The following PDE11A variants were observed in gnomAD, a reference collection of about 807,000 sequenced individuals.
The protein encoded by PDE11A is dual 3',5'-cyclic-AMP and -GMP phosphodiesterase 11A.
PDE11A carries 100 observed loss-of-function variants against 100.5 expected under a neutral mutation model. The observed-to-expected ratio is 1.00, with a 90% CI of 0.85 to 1.18. The LOEUF (loss-of-function observed/expected upper bound fraction) is 1.18. PDE11A is among the 50% of genes most tolerant of loss of function. PDE11A has a pLI of 0.00. For synonymous variants in PDE11A, 381 were observed against 420.8 expected, an observed-to-expected ratio of 0.91 and a Z score of 1.16; for missense variants, 1,141 against 1,152.6, an observed-to-expected ratio of 0.99 and a Z score of 0.15.
At position 177,631,571 on chromosome 2, in the gene PDE11A, A is replaced by ATGTG. The variant is rs1559117487; in HGVS notation, c.2647-2010_2647-2009insCACA. Among the ~76,000 whole-genome samples the ATGTG allele has an allele frequency of 9.8e-3, 411 of 41,946 alleles. 13 individuals carry two copies. The highest frequency in any genetic ancestry group is 0.028 in the African/African-American group (260 of 9,190). 27.5% of individuals were successfully genotyped at this position (41,946 alleles called of 152,430 possible). A position where few individuals can be genotyped will look rare whatever the true frequency, so the allele number is the denominator to read the frequency against. ...TACACATGTATATATATATATATAC[A>ATGTG]TGTATATATATATACACACACATAT... On this transcript the variant is annotated intron_variant, in intron 19 of 19. Coordinates refer to ENST00000286063, the MANE Select transcript of PDE11A (RefSeq NM_016953.4).
chr2:178,074,135 T>C (rs1159407914), upstream of PDE11A, among the ~76,000 whole-genome samples: 2 of 152,092 alleles, frequency 1.3e-5, no homozygotes, highest in East Asian at 1.9e-4. Context: ...AATGACCACA[T>C]AGTGTAAAAT....
chr2:177,902,429 T>C (rs923120140), intron 3 of PDE11A, among the ~76,000 whole-genome samples: 4 of 152,192 alleles, frequency 2.6e-5, no homozygotes, highest in African/African-American at 9.7e-5. Context: ...TGGTAGACTC[T>C]CTTCACACGG....
intron 5 of PDE11A, among the ~76,000 whole-genome samples, chr2:177,869,086 C>G (rs1348096802): frequency 6.6e-6 from 1 of 152,242 alleles, no homozygotes; most frequent in Non-Finnish European, 1.5e-5. Context: ...CAAAAGATAA[C>G]AGCATTGAGT....
At chr2:177,977,301 C>G (rs571618946) in intron 2 of PDE11A, among the ~76,000 whole-genome samples, 2 of 145,454 alleles carry the variant, frequency 1.4e-5, no homozygotes, top group Non-Finnish European at 3.1e-5. Flanking sequence ...CAACAACAGA[C>G]AAACAGAGAG....
intron 2 of PDE11A, among the ~76,000 whole-genome samples, chr2:177,928,830 T>C (rs1645979064): frequency 6.6e-6 from 1 of 152,052 alleles, no homozygotes; most frequent in African/African-American, 2.4e-5. Context: ...GCCACTGCAC[T>C]GTAGCCTGGG....
chr2:178,051,102 G>A (rs1430360428), intron 1 of PDE11A, among the ~76,000 whole-genome samples: 1 of 152,174 alleles, frequency 6.6e-6, no homozygotes. Context: ...AGGGCAGCCA[G>A]AGAGAAAGGT....
chr2:177,755,445 A>C (rs2082078353), intron 10 of PDE11A, among the ~76,000 whole-genome samples: 1 of 152,222 alleles, frequency 6.6e-6, no homozygotes, highest in Non-Finnish European at 1.5e-5. Flanking sequence ...CCTGCCTGCC[A>C]TAAAAGAGGG....
intron 9 of PDE11A, among the ~76,000 whole-genome samples, chr2:177,800,452 T>C (rs1475901876): frequency 6.6e-6 from 1 of 152,180 alleles, no homozygotes; most frequent in Admixed American, 6.6e-5. Context: ...ATTACAGGTG[T>C]GAGCCACCGT....
intron 4 of PDE11A, among the ~76,000 whole-genome samples, chr2:177,878,708 A>T (rs2084280412): frequency 6.6e-6 from 1 of 152,200 alleles, no homozygotes; most frequent in African/African-American, 2.4e-5. Context: ...AGGAAATTGC[A>T]GAACCGAGAT....
At chr2:178,069,942 A>C (rs1310021709) in intron 1 of PDE11A, among the ~76,000 whole-genome samples, 1 of 152,196 alleles carries the variant, frequency 6.6e-6, no homozygotes, top group Non-Finnish European at 1.5e-5. Flanking sequence ...GGCTGGAATA[A>C]GTATCATTGA....
rs1031745773 is a variant in PDE11A at position 177,626,328 on chromosome 2, A to C, written c.*3079T>G. The C allele has an allele frequency of 6.6e-6, 1 of 152,602 alleles. No homozygotes were observed. Among genetic ancestry groups the C allele is most frequent in the Non-Finnish European group, 1.5e-5 (1 of 68,054 alleles). 9.5% of individuals were successfully genotyped at this position (152,602 alleles called of 1,614,324 possible). ...AAAATGTTGCTGTAGATGGACTGGC[A>C]TCCATTTGTCTGGGCTATTTATTTA... On this transcript the variant is annotated 3_prime_UTR_variant, in exon 20 of 20. Transcript: ENST00000286063.
At chr2:177,847,134 G>A (rs2083614219) in intron 5 of PDE11A, among the ~76,000 whole-genome samples, 1 of 152,068 alleles carries the variant, frequency 6.6e-6, no homozygotes, top group South Asian at 2.1e-4. Flanking sequence ...AGCCCTAGAT[G>A]TAACCCCCCT....
At chr2:177,931,396 T>G (rs1435975313) in intron 2 of PDE11A, among the ~76,000 whole-genome samples, 1 of 152,190 alleles carries the variant, frequency 6.6e-6, no homozygotes, top group African/African-American at 2.4e-5. Flanking sequence ...ACTTAAAATC[T>G]ACTCTCAGCA....
intron 10 of PDE11A, among the ~76,000 whole-genome samples, chr2:177,730,464 G>T (rs2081668121): frequency 6.6e-6 from 1 of 151,886 alleles, no homozygotes; most frequent in African/African-American, 2.4e-5. Context: ...GGACTGGTTT[G>T]TCTTTCTTTT....
chr2:177,655,848 C>T (rs1265731970), intron 19 of PDE11A, among the ~76,000 whole-genome samples: 1 of 152,154 alleles, frequency 6.6e-6, no homozygotes, highest in Non-Finnish European at 1.5e-5. Flanking sequence ...TTCTCGAAAT[C>T]ATATGTATGC....
chr2:177,860,653 G>A (rs1021319722), intron 5 of PDE11A, among the ~76,000 whole-genome samples: 4 of 151,574 alleles, frequency 2.6e-5, no homozygotes, highest in African/African-American at 9.7e-5. Flanking sequence ...TCACAAGAAA[G>A]CTATAGACCC....
intron 2 of PDE11A, among the ~76,000 whole-genome samples, chr2:178,099,705 G>T (rs2087538110): frequency 6.6e-6 from 1 of 152,052 alleles, no homozygotes; most frequent in Non-Finnish European, 1.5e-5. Context: ...TGATATGGCT[G>T]TTCCTCAAAA....
intron 3 of PDE11A, chr2:177,899,364 G>A (rs1204661477): frequency 8.7e-5 from 15 of 172,196 alleles, no homozygotes; most frequent in South Asian, 1.9e-4. Context: ...CTGAGATCGC[G>A]CCACTGCACT....
intron 12 of PDE11A, among the ~76,000 whole-genome samples, chr2:177,717,510 T>G (rs1326795782): frequency 6.6e-6 from 1 of 152,224 alleles, no homozygotes; most frequent in African/African-American, 2.4e-5. Flanking sequence ...TTTCTGCTCC[T>G]GACCCAATCA....
Sources: allele counts gnomAD v4.1 joint callset (sites outside exome capture counted in the v4.1 genomes callset), GRCh38; gene constraint gnomAD v4.1.1; transcripts MANE v1.5; gene names NCBI Gene and HGNC (gene_info 2026-07-23, HGNC 2026-07-21).